HS3ST3A1: variants seen among roughly 807,000 people sequenced by gnomAD.
HS3ST3A1 encodes the protein heparan sulfate glucosamine 3-O-sulfotransferase 3A1.
A neutral mutation model predicts 25.7 loss-of-function variants in HS3ST3A1; 19 were observed. The ratio of observed to expected loss-of-function variants is 0.74; its 90% CI spans 0.52 to 1.08. HS3ST3A1 has a LOEUF of 1.08. HS3ST3A1 is among the 50% of genes least tolerant of loss of function. HS3ST3A1 has a pLI of 0.00. For synonymous variants in HS3ST3A1, 226 were observed against 278.6 expected, an observed-to-expected ratio of 0.81 and a Z score of 1.88; for missense variants, 459 against 594.3, an observed-to-expected ratio of 0.77 and a Z score of 2.37.
chr17:13,554,988 T>G (rs1377947705), intron 1 of HS3ST3A1, among the ~76,000 whole-genome samples: 1 of 152,156 alleles, frequency 6.6e-6, no homozygotes, highest in African/African-American at 2.4e-5. Context: ...TCACTTAACC[T>G]CATTCAGCAG....
intron 1 of HS3ST3A1, among the ~76,000 whole-genome samples, chr17:13,540,090 TC>T (rs1356990910): frequency 6.6e-6 from 1 of 152,244 alleles, no homozygotes; most frequent in Non-Finnish European, 1.5e-5. Flanking sequence ...TCCCTTGGGA[TC>T]CACCTTAGGT....
chr17:13,513,509 T>C (rs576540980), intron 1 of HS3ST3A1, among the ~76,000 whole-genome samples: 5 of 152,192 alleles, frequency 3.3e-5, no homozygotes, highest in Non-Finnish European at 7.3e-5. Flanking sequence ...CAACCACCGC[T>C]CCGATATAGC....
intron 1 of HS3ST3A1, among the ~76,000 whole-genome samples, chr17:13,594,177 A>G (rs1908513858): frequency 6.6e-6 from 1 of 152,154 alleles, no homozygotes; most frequent in Admixed American, 6.5e-5. Flanking sequence ...ATTGTATTAT[A>G]TCGGGGATCA....
At chr17:13,560,287 TC>T (rs1907497294) in intron 1 of HS3ST3A1, among the ~76,000 whole-genome samples, 1 of 7,340 alleles carries the variant, frequency 1.4e-4, no homozygotes, top group African/African-American at 4.3e-4. Flanking sequence ...GACACTCGTC[TC>T]CAAAAAAAAA....
chr17:13,589,751 G>A (rs1277483748), intron 1 of HS3ST3A1, among the ~76,000 whole-genome samples: 2 of 152,140 alleles, frequency 1.3e-5, no homozygotes, highest in Admixed American at 6.5e-5. Flanking sequence ...TCACTGCATC[G>A]TGGCAGCGTT....
At chr17:13,597,234 A>G (rs2142399263) in intron 1 of HS3ST3A1, among the ~76,000 whole-genome samples, 1 of 152,236 alleles carries the variant, frequency 6.6e-6, no homozygotes, top group Non-Finnish European at 1.5e-5. Flanking sequence ...ATGTGTACAC[A>G]CATATTTAAC....
At chr17:13,542,329 CAA>C (rs61165551) in intron 1 of HS3ST3A1, among the ~76,000 whole-genome samples, 14,350 of 116,908 alleles carry the variant, frequency 0.12, 1,859 homozygotes, top group African/African-American at 0.35. Flanking sequence ...ACTCTGTTTC[CAA>C]AAAAAAAAAA....
chr17:13,520,646 G>A (rs1334424525), intron 1 of HS3ST3A1, among the ~76,000 whole-genome samples: 2 of 148,874 alleles, frequency 1.3e-5, no homozygotes, highest in African/African-American at 5.0e-5. Flanking sequence ...ATAGAGTCTT[G>A]CTCTGTCACC....
At chr17:13,534,832 C>G (rs555454015) in intron 1 of HS3ST3A1, among the ~76,000 whole-genome samples, 4 of 152,068 alleles carry the variant, frequency 2.6e-5, no homozygotes, top group Admixed American at 2.6e-4. Context: ...TCGTGACCAG[C>G]CTGACTAACA....
At chr17:13,519,559 A>G (rs1051268055) in intron 1 of HS3ST3A1, among the ~76,000 whole-genome samples, 3 of 152,194 alleles carry the variant, frequency 2.0e-5, no homozygotes, top group South Asian at 2.1e-4. Context: ...GATGATGATG[A>G]TGATGATGGT....
At chr17:13,551,512 GTCC>G (rs1907243988) in intron 1 of HS3ST3A1, among the ~76,000 whole-genome samples, 4 of 150,738 alleles carry the variant, frequency 2.7e-5, no homozygotes, top group African/African-American at 7.3e-5. Context: ...CCATATCACT[GTCC>G]TGTTCAGAAG....
intron 1 of HS3ST3A1, among the ~76,000 whole-genome samples, chr17:13,581,804 C>A (rs777384506): frequency 2.6e-5 from 4 of 152,074 alleles, no homozygotes; most frequent in Non-Finnish European, 5.9e-5. Context: ...AGTTCATTTC[C>A]AATGCTAATA....
chr17:13,579,724 A>AC, intron 1 of HS3ST3A1, among the ~76,000 whole-genome samples: 1 of 148,002 alleles, frequency 6.8e-6, no homozygotes, highest in Non-Finnish European at 1.5e-5. Context: ...AAAAAAAAAA[A>AC]AAAATCATAA....
chr17:13,564,711 CTTCT>C (rs1907633028), intron 1 of HS3ST3A1, among the ~76,000 whole-genome samples: 1 of 139,586 alleles, frequency 7.2e-6, no homozygotes, highest in African/African-American at 2.7e-5. Context: ...GAAATTTGGA[CTTCT>C]TTCCTTTTTT....
At chr17:13,578,891 T>A (rs1567628511) in intron 1 of HS3ST3A1, among the ~76,000 whole-genome samples, 2 of 152,234 alleles carry the variant, frequency 1.3e-5, no homozygotes, top group Admixed American at 6.5e-5. Context: ...GATTTTTCAT[T>A]ATTAAAGATA....
At chr17:13,569,730 T>C (rs185213140) in intron 1 of HS3ST3A1, among the ~76,000 whole-genome samples, 78 of 152,366 alleles carry the variant, frequency 5.1e-4, no homozygotes, top group Admixed American at 1.0e-3. Context: ...AAAATTCTGA[T>C]GTAAATTCAA....
chr17:13,515,560 C>T (rs1373488757), intron 1 of HS3ST3A1, among the ~76,000 whole-genome samples: 1 of 144,592 alleles, frequency 6.9e-6, no homozygotes, highest in East Asian at 2.1e-4. Context: ...TGGAGGACAT[C>T]GTGGTCAGTA....
At chr17:13,521,848 AC>A (rs914989093) in intron 1 of HS3ST3A1, among the ~76,000 whole-genome samples, 3 of 152,174 alleles carry the variant, frequency 2.0e-5, no homozygotes, top group African/African-American at 7.2e-5. Flanking sequence ...CAACCCCAAC[AC>A]GACTGACGTT....
intron 1 of HS3ST3A1, 111 bp from the exon 2 acceptor site, chr17:13,496,929 C>CA (rs1451932211): frequency 1.0e-5 from 15 of 1,442,200 alleles, no homozygotes; most frequent in Non-Finnish European, 1.4e-5. Context: ...CGCAACCCCC[C>CA]ACTTGCTAGA....
Sources: gnomAD v4.1 joint callset for allele counts (sites outside exome capture counted in the v4.1 genomes callset) on GRCh38, gnomAD v4.1.1 for gene constraint, MANE v1.5 for transcripts, NCBI Gene and HGNC (gene_info 2026-07-23, HGNC 2026-07-21) for gene names.